The following SH3TC1 variants were observed in gnomAD, a reference collection of about 807,000 sequenced individuals.
SH3TC1 encodes the protein SH3 domain and tetratricopeptide repeats 1.
SH3TC1 carries 135 observed loss-of-function variants against 117.3 expected under a neutral mutation model. The observed-to-expected ratio is 1.15, with a 90% confidence interval of 1.00 to 1.33. SH3TC1 has a LOEUF of 1.33. Ranked by LOEUF, SH3TC1 falls within the 40% of genes most tolerant of loss-of-function variation. SH3TC1 has a pLI of 0.00. For synonymous variants in SH3TC1, 898 were observed against 816.9 expected, an observed-to-expected ratio of 1.10 and a Z score of -1.69; for missense variants, 2,092 against 1,794.3, an observed-to-expected ratio of 1.17 and a Z score of -3.00.
intron 15 of SH3TC1, 78 bp from the exon 16 acceptor site, chr4:8,236,200 C>G: frequency 6.9e-7 from 1 of 1,447,776 alleles, no homozygotes; most frequent in Non-Finnish European, 9.2e-7. Flanking sequence ...AAGCTCCGAG[C>G]ACATGTTTGA....
At chr4:8,204,334 G>A (rs1188771076) in intron 1 of SH3TC1, among the ~76,000 whole-genome samples, 1 of 152,186 alleles carries the variant, frequency 6.6e-6, no homozygotes, top group Non-Finnish European at 1.5e-5. Context: ...ATTTCACCAA[G>A]CAGGGGCAGC....
rs148384602 is a variant in SH3TC1, at chr4:8,227,396, C to G, written c.1702C>G (p.Arg568Gly). 6.4e-7 allele frequency: 1 copy of G among 1,551,826 alleles called. No homozygotes were observed. The highest frequency in any genetic ancestry group is 1.4e-5 in the African/African-American group (1 of 72,828). ...GGCCAGGCTCTGCTTCCTCCTGGGG[C>G]GGCTGTGCAGCAGGAGGCTCAAGCT... is the stretch of plus-strand genomic sequence containing the variant. ...ALARLCFLLG[R>G]LCSRRLKLSQ... Residue 568 changes from arginine (R) to glycine (G), a missense_variant, in exon 12 of 18, where the codon CGG becomes GGG. Transcript: ENST00000245105.
intron 9 of SH3TC1, among the ~76,000 whole-genome samples, chr4:8,221,918 T>G (rs1157481086): frequency 2.0e-5 from 3 of 150,912 alleles, no homozygotes; most frequent in African/African-American, 7.2e-5. Flanking sequence ...CCTGTTATTT[T>G]GTAGAATGTG....
Position 8,219,374 on chromosome 4 carries a change from C to T in SH3TC1, c.956C>T (p.Ser319Leu), listed in dbSNP as rs982296010. 4.2e-5 allele frequency: 68 copies of T among 1,605,808 alleles called. No individual in the cohort carries two copies. Among genetic ancestry groups the T allele is most frequent in the South Asian group, 5.5e-5 (5 of 90,510 alleles). Reference protein sequence around the residue: ...LASALADFQGSGPEEMTFRGG... With the variant: ...LASALADFQGLGPEEMTFRGG... ...TCGGCATTGGCAGACTTCCAGGGCT[C>T]GGGGCCCGAAGAGATGACCTTCCGA... Residue 319 changes from serine to leucine, a missense_variant, in exon 9 of 18, where the codon TCG becomes TTG. By Grantham distance (145) the Ser-to-Leu change is moderately radical. Transcript: ENST00000245105.
chr4:8,236,715 T>G (rs1189660550), intron 16 of SH3TC1: 2 of 379,300 alleles, frequency 5.3e-6, no homozygotes, highest in Non-Finnish European at 9.4e-6. Flanking sequence ...GCCAGACATC[T>G]CGTTGGTCCC....
Position 8,190,677 on chromosome 4 carries a change from G to A in SH3TC1, c.-57+8467G>A, listed in dbSNP as rs140782082. ...TTTTTTGGAGACAGAGCCTGGCTCT[G>A]TCGCCCAGGCTGGAGTGCAGTAGTG... On this transcript the variant is annotated intron_variant, in intron 1 of 16. Coordinates refer to the SH3TC1 transcript ENST00000508641. This position sits in a 1 kb window ranked among gnomAD's most constrained non-coding sequence, Gnocchi z 4.7. 1.7e-3 allele frequency among the ~76,000 whole-genome samples: 264 copies of A among 152,216 alleles called. No individual in the cohort carries two copies. The highest frequency in any genetic ancestry group is 3.0e-3 in the Non-Finnish European group (207 of 67,988).
At position 8,226,716 on chromosome 4, in the gene SH3TC1, G is replaced by A. The variant is rs1720487593; in HGVS notation, c.1286-264G>A. 2.0e-5 allele frequency among the ~76,000 whole-genome samples: 3 copies of A among 152,334 alleles called. No individual in the cohort carries two copies. In the East Asian group the frequency reaches 5.8e-4, roughly 29 times the overall value. ...ATGCTGTCAGGTGGGCAACAAAGGA[G>A]GACAGGAGGGTGATTTCATAGGAGA... On this transcript the variant is annotated intron_variant, in intron 11 of 17. Coordinates refer to ENST00000245105, the MANE Select transcript of SH3TC1 (RefSeq NM_018986.5).
intron 8 of SH3TC1, 37 bp downstream of exon 8, chr4:8,218,384 T>C (rs377622777): frequency 1.3e-6 from 2 of 1,529,688 alleles, no homozygotes; most frequent in South Asian, 1.1e-5. Flanking sequence ...TTTGGGGAAA[T>C]GTGTGTGCTA....
At position 8,240,939 on chromosome 4, in the gene SH3TC1, C is replaced by G. The variant is rs1267312847; in HGVS notation, c.3995C>G (p.Pro1332Arg). Residue 1332 changes from proline to arginine, a missense_variant, in exon 18 of 18, where the codon CCC (proline) becomes CGC (arginine). Physicochemically the swap from Pro to Arg is moderately radical, Grantham distance 103 (BLOSUM62 -2). Transcript: ENST00000245105. The stretch of plus-strand genomic sequence containing the variant: ...TGCGGGTGGGCCCCCTGGTTGGCCC[C>G]CAGCCACCCTCGCTGAGGACAGCAT... Reference protein sequence around the residue: ...PLCGWAPWLAPSHPR With the variant: ...PLCGWAPWLARSHPR 1 of 1,610,890 alleles carries G rather than the reference C, an allele frequency of 6.2e-7. No homozygotes were observed. The highest frequency in any genetic ancestry group is 2.2e-5 in the East Asian group (1 of 44,890).
rs971698971 is a variant in SH3TC1, at chr4:8,219,213, G to C, written c.917-122G>C. On this transcript the variant is annotated intron_variant, in intron 8 of 17. Coordinates refer to ENST00000245105, the MANE Select transcript of SH3TC1 (RefSeq NM_018986.5). ...CATTGCGGAAACCAAGCTTTACTAC[G>C]AACCTCCTAGTAACCAAAAGATGAA... 3.0e-6 allele frequency: 3 copies of C among 989,130 alleles called. No individual in the cohort carries two copies. In the African/African-American group the frequency reaches 4.9e-5, roughly 16 times the overall value. The allele number at this position is 989,130 out of a possible 1,614,324, so 61.3% of individuals were successfully genotyped here. A position where few individuals can be genotyped will look rare whatever the true frequency, so the allele number is the denominator to read the frequency against.
At chr4:8,239,296 CATG>C (rs1722103959) in intron 17 of SH3TC1, among the ~76,000 whole-genome samples, 1 of 141,724 alleles carries the variant, frequency 7.1e-6, no homozygotes, top group Non-Finnish European at 1.5e-5. Context: ...GACATGCACA[CATG>C]AGCACACACA....
chr4:8,191,438 C>A (rs568456323), intron 1 of SH3TC1, among the ~76,000 whole-genome samples: 1 of 152,360 alleles, frequency 6.6e-6, no homozygotes, highest in Middle Eastern at 3.4e-3. Context: ...CTATGAGCCC[C>A]GTGTCCTCGT....
chr4:8,196,828 G>A (rs749058178), upstream of SH3TC1, among the ~76,000 whole-genome samples: 23 of 152,116 alleles, frequency 1.5e-4, no homozygotes, highest in African/African-American at 5.1e-4. The surrounding 1 kb of genome is among the most constrained non-coding windows in gnomAD (Gnocchi z 4.6). Flanking sequence ...ACCTTGTATC[G>A]TCCATCCCCA....
At chr4:8,238,718 A>G (rs565985955) in intron 17 of SH3TC1, among the ~76,000 whole-genome samples, 1 of 152,266 alleles carries the variant, frequency 6.6e-6, no homozygotes, top group South Asian at 2.1e-4. Flanking sequence ...GACGCTGCTC[A>G]CTGCTCAGGG....
Position 8,228,096 on chromosome 4 carries a change from GC to G in SH3TC1, c.2404del (p.His802ThrfsTer8). 6.2e-7 allele frequency: 1 copy of G among 1,609,370 alleles called. No individual in the cohort carries two copies. Among genetic ancestry groups the G allele is most frequent in the Middle Eastern group, 1.7e-4 (1 of 6,054 alleles). ...GCCCAGCTGTACAGCCACCATGGCT[GC>G]CACGGCCCGGCCATCACCTTCATGA... ...SLAQLYSHHGCHGPAITFMTQ... is the reference protein window; with the variant it reads ...SLAQLYSHHGXHGPAITFMTQ... On this transcript the variant is annotated frameshift_variant, in exon 12 of 18. Coordinates refer to ENST00000245105, the MANE Select transcript of SH3TC1 (RefSeq NM_018986.5). LOFTEE classifies it high-confidence loss of function.
rs1044280441 is a variant in SH3TC1, at chr4:8,228,053, C to A, written c.2359C>A (p.Pro787Thr). 1.9e-6 allele frequency: 3 copies of A among 1,604,158 alleles called. No homozygotes were observed. The highest frequency in any genetic ancestry group is 2.7e-5 in the African/African-American group (2 of 74,806). Residue 787 changes from proline (P) to threonine (T), a missense_variant, in exon 12 of 18, where the codon CCC becomes ACC. Physicochemically the swap from Pro to Thr is conservative, Grantham distance 38. Coordinates refer to ENST00000245105, the MANE Select transcript of SH3TC1 (RefSeq NM_018986.5). ...GGGCACAGGCCAGGCGCTGCGCGGC[C>A]CCCTCTACACCAGCTTGGCCCAGCT... ...TPGTGQALRG[P>T]LYTSLAQLYS...
At position 8,237,674 on chromosome 4, in the gene SH3TC1, G is replaced by C; in HGVS notation, c.3753+4G>C. The C allele has an allele frequency of 1.3e-6, 2 of 1,592,624 alleles. No homozygotes were observed. The highest frequency in any genetic ancestry group is 1.7e-6 in the Non-Finnish European group (2 of 1,166,972). Reference sequence around the variant, plus strand: ...CATCATCTTCTACGACCTGAAGGTGGGTGGGGAGGGGCTGGGCTCAGGGTG... The same window carrying C: ...CATCATCTTCTACGACCTGAAGGTGCGTGGGGAGGGGCTGGGCTCAGGGTG... On this transcript the variant is annotated splice_donor_region_variant and intron_variant, in intron 17 of 17. Coordinates refer to ENST00000245105, the MANE Select transcript of SH3TC1 (RefSeq NM_018986.5).
At chr4:8,217,755 A>G (rs78909221) in intron 7 of SH3TC1, among the ~76,000 whole-genome samples, 1,550 of 152,356 alleles carry the variant, frequency 0.01, 15 homozygotes, top group Non-Finnish European at 0.012. Context: ...TGGTGTCCCA[A>G]CAGGGGACAC....
At chr4:8,236,175 T>C (rs1721794831) in intron 15 of SH3TC1, 103 bp from the exon 16 acceptor site, 1 of 1,359,848 alleles carries the variant, frequency 7.4e-7, no homozygotes, top group Non-Finnish European at 9.7e-7. Context: ...GGCCCAGGGG[T>C]AGCTGGGGCG....
Sources: allele counts gnomAD v4.1 joint callset (sites outside exome capture counted in the v4.1 genomes callset), GRCh38; gene constraint gnomAD v4.1.1; non-coding constraint Gnocchi (gnomAD v3.1); transcripts MANE v1.5; gene names NCBI Gene and HGNC (gene_info 2026-07-23, HGNC 2026-07-21).